The following CCDC66 variants were observed in gnomAD, a reference collection of about 807,000 sequenced individuals.
CCDC66 encodes the protein coiled-coil domain-containing protein 66.
CCDC66 carries 133 observed loss-of-function variants against 128.3 expected under a neutral mutation model. That is an observed-to-expected ratio of 1.04 (90% CI 0.90 to 1.20). CCDC66 has a LOEUF of 1.20. Among genes scored for constraint, CCDC66 ranks in the 50% most tolerant of loss-of-function variants. The pLI is 0.00. For synonymous variants in CCDC66, 387 were observed against 357.0 expected (o/e 1.08, Z -0.95); for missense variants, 1,126 against 1,075.5 (o/e 1.05, Z -0.66).
At chr3:56,581,020 C>T (rs2068267518) in intron 7 of CCDC66, among the ~76,000 whole-genome samples, 1 of 151,866 alleles carries the variant, frequency 6.6e-6, no homozygotes, top group Non-Finnish European at 1.5e-5. Context: ...AACTTGGTTC[C>T]ATTCTCCCCA....
chr3:56,611,509 A>T (rs575128877), intron 10 of CCDC66, among the ~76,000 whole-genome samples: 1 of 150,812 alleles, frequency 6.6e-6, no homozygotes, highest in East Asian at 2.0e-4. Context: ...TGCGAAAGAA[A>T]ACGGCTTTAG....
intron 14 of CCDC66, 188 bp downstream of exon 14, chr3:56,617,793 C>CA (rs1177120846): frequency 1.4e-5 from 9 of 641,950 alleles, no homozygotes; most frequent in Middle Eastern, 2.9e-4. Flanking sequence ...ATAGTCAACT[C>CA]ATTCTTTTAT....
intron 8 of CCDC66, 93 bp downstream of exon 8, chr3:56,593,194 AC>A: frequency 9.4e-7 from 1 of 1,058,398 alleles, no homozygotes; most frequent in Non-Finnish European, 1.3e-6. Flanking sequence ...TCTTGACAAG[AC>A]CAGAATATTC....
At chr3:56,615,082 T>C in intron 11 of CCDC66, 46 bp from the exon 12 acceptor site, 1 of 1,589,846 alleles carries the variant, frequency 6.3e-7, no homozygotes, top group Non-Finnish European at 8.6e-7. Context: ...TAGTCAAGTC[T>C]TTGTATGTTT....
intron 7 of CCDC66, among the ~76,000 whole-genome samples, 171 bp from the exon 8 acceptor site, chr3:56,592,799 G>T: frequency 6.6e-6 from 1 of 152,104 alleles, no homozygotes; most frequent in Middle Eastern, 3.4e-3. Flanking sequence ...CTGAGAATCA[G>T]AATATATCTA....
At chr3:56,586,337 G>T (rs2106813635) in intron 7 of CCDC66, among the ~76,000 whole-genome samples, 1 of 151,330 alleles carries the variant, frequency 6.6e-6, no homozygotes, top group East Asian at 2.0e-4. Context: ...GACCATCCTG[G>T]CCAACATGGT....
chr3:56,619,527 G>C lies in CCDC66; in HGVS notation c.2635G>C (p.Asp879His). 6.2e-7 allele frequency: 1 copy of C among 1,601,548 alleles called. No individual in the cohort carries two copies. The highest frequency in any genetic ancestry group is 8.5e-7 in the Non-Finnish European group (1 of 1,175,272). The change falls in exon 16 of 18, where the codon GAC becomes CAC. Residue 879 changes from aspartate (D) to histidine (H), a missense_variant and splice_region_variant. Asp to His is a moderately conservative substitution (Grantham distance 81, BLOSUM62 -1). Transcript: ENST00000394672. ...GGACCCTCAGTACCAAAATTCACAA[G>C]GTAAGTAAATATTAAGCATTCTAAC... Reference protein sequence around the residue: ...TQDPQYQNSQDCGQKRQLFDS... With the variant: ...TQDPQYQNSQHCGQKRQLFDS...
rs201955933 is a variant in CCDC66 at position 56,566,779 on chromosome 3, T to C, written c.710+20T>C. 1,241 of 1,596,506 alleles carry C rather than the reference T, an allele frequency of 7.8e-4. 1 individual carries two copies. The highest frequency in any genetic ancestry group is 1.0e-3 in the Non-Finnish European group (1,203 of 1,170,574). Reference sequence around the variant, plus strand: ...TGCCATGTATGTAACTCCTATCTGTTGTTATTGTGTGGTCATCTTCAGAAT... The same window carrying C: ...TGCCATGTATGTAACTCCTATCTGTCGTTATTGTGTGGTCATCTTCAGAAT... On this transcript the variant is annotated intron_variant, in intron 5 of 17. Coordinates refer to ENST00000394672, the MANE Select transcript of CCDC66 (RefSeq NM_001141947.3).
At chr3:56,577,801 A>G (rs998554366) in intron 7 of CCDC66, among the ~76,000 whole-genome samples, 4 of 151,880 alleles carry the variant, frequency 2.6e-5, no homozygotes, top group Non-Finnish European at 4.4e-5. Context: ...TACCAGTACC[A>G]TGCTGCTTTG....
intron 6 of CCDC66, among the ~76,000 whole-genome samples, chr3:56,567,895 T>C (rs891202578): frequency 1.6e-4 from 25 of 152,180 alleles, no homozygotes; most frequent in Non-Finnish European, 3.4e-4. Flanking sequence ...TTTCACTGTG[T>C]TAGCCAGGAT....
intron 6 of CCDC66, among the ~76,000 whole-genome samples, chr3:56,568,429 A>G (rs371146943): frequency 1.3e-5 from 2 of 152,226 alleles, no homozygotes; most frequent in African/African-American, 4.8e-5. Context: ...GATATTATCA[A>G]AAGTCGTATT....
intron 14 of CCDC66, 145 bp downstream of exon 14, chr3:56,617,750 C>G (rs1271605987): frequency 2.0e-6 from 2 of 990,120 alleles, no homozygotes; most frequent in Non-Finnish European, 2.9e-6. Context: ...CAAATCCAGG[C>G]TGCTGCCTGT....
intron 10 of CCDC66, among the ~76,000 whole-genome samples, chr3:56,604,544 T>G (rs2073769782): frequency 6.6e-6 from 1 of 152,034 alleles, no homozygotes; most frequent in Non-Finnish European, 1.5e-5. Context: ...GAAACTGAGT[T>G]TGGCTGGATA....
intron 17 of CCDC66, 77 bp downstream of exon 17, chr3:56,619,978 G>A (rs896508517): frequency 1.3e-6 from 1 of 773,104 alleles, no homozygotes; most frequent in Non-Finnish European, 1.7e-6. Flanking sequence ...TGAACGGTTT[G>A]TTTTAAGTTA....
chr3:56,617,503 T>A lies in CCDC66; in HGVS notation c.2235T>A (p.Asn745Lys). The change falls in exon 14 of 18, where the codon AAT (asparagine) becomes AAA (lysine). Residue 745 changes from asparagine to lysine, a missense_variant. Physicochemically the swap from Asn to Lys is moderately conservative, Grantham distance 94 (BLOSUM62 0). Coordinates refer to ENST00000394672, the MANE Select transcript of CCDC66 (RefSeq NM_001141947.3). ...QMELLHLVEK[N>K]NPGHLSQNRG... ...AATTGCTTCATTTGGTAGAAAAAAA[T>A]AATCCTGGGCACCTCTCTCAAAACA... The A allele has an allele frequency of 1.9e-6, 3 of 1,613,668 alleles. No homozygotes were observed. Among genetic ancestry groups the A allele is most frequent in the Admixed American group, 1.7e-5 (1 of 59,960 alleles).
At chr3:56,607,078 T>G (rs1476792823) in intron 10 of CCDC66, among the ~76,000 whole-genome samples, 1 of 152,220 alleles carries the variant, frequency 6.6e-6, no homozygotes, top group Admixed American at 6.5e-5. Context: ...GGTAATATGA[T>G]GCCTCCAGAT....
At chr3:56,606,409 G>T (rs13320990) in intron 10 of CCDC66, among the ~76,000 whole-genome samples, 2,046 of 152,158 alleles carry the variant, frequency 0.013, 64 homozygotes, top group African/African-American at 0.046. Flanking sequence ...GGTGGCATAG[G>T]CACCAGAGGG....
At chr3:56,565,138 G>A in intron 4 of CCDC66, 1 of 426,590 alleles carries the variant, frequency 2.3e-6, no homozygotes, top group East Asian at 7.3e-5. Context: ...TTATAGCTGG[G>A]CATAGAGACA....
chr3:56,571,153 ATTT>A, intron 6 of CCDC66, 25 bp from the exon 7 acceptor site: 2 of 1,454,750 alleles, frequency 1.4e-6, no homozygotes, highest in Non-Finnish European at 9.3e-7. Flanking sequence ...GTTTTTGTAC[ATTT>A]TTTTAAAAAG....
Sources: allele counts gnomAD v4.1 joint callset (sites outside exome capture counted in the v4.1 genomes callset), GRCh38; gene constraint gnomAD v4.1.1; transcripts MANE v1.5; gene names NCBI Gene and HGNC (gene_info 2026-07-23, HGNC 2026-07-21).